DNAH17: variants seen among roughly 807,000 people sequenced by gnomAD.
DNAH17 encodes dynein axonemal heavy chain 17, also known as axonemal beta dynein heavy chain 17.
In DNAH17, 376 loss-of-function variants were observed where a neutral mutation model predicts 485.6. The observed-to-expected ratio is 0.77, with a 90% confidence interval of 0.71 to 0.84. The LOEUF (loss-of-function observed/expected upper bound fraction) is 0.84. Among genes scored for constraint, DNAH17 ranks in the 40% least tolerant of loss-of-function variants. DNAH17 has a pLI of 0.00. For missense variants in DNAH17, 6,370 were observed against 5,839.3 expected, an observed-to-expected ratio of 1.09 and a Z score of -2.96; for synonymous variants, 3,031 against 2,405.9, an observed-to-expected ratio of 1.26 and a Z score of -7.60.
intron 27 of DNAH17, among the ~76,000 whole-genome samples, 156 bp from the exon 28 acceptor site, chr17:78,507,961 G>T (rs943371147): frequency 4.6e-5 from 7 of 152,098 alleles, no homozygotes; most frequent in African/African-American, 1.7e-4. Flanking sequence ...GATCCAACCC[G>T]AACCTTCATC....
chr17:78,530,573 C>T, intron 20 of DNAH17, 61 bp from the exon 21 acceptor site: 1 of 1,548,930 alleles, frequency 6.5e-7, no homozygotes, highest in Admixed American at 1.8e-5. Flanking sequence ...GGCGTCAGCA[C>T]AGGGCCTCAG....
At chr17:78,426,721 C>T (rs771357154) in intron 78 of DNAH17, 121 bp from the exon 79 acceptor site, 2 of 1,409,300 alleles carry the variant, frequency 1.4e-6, no homozygotes, top group African/African-American at 1.4e-5. Flanking sequence ...TGGAGACGCC[C>T]TGCATCAGGG....
At chr17:78,572,482 GGCTGCAGAGCCT>G (rs1025977388) in intron 3 of DNAH17, among the ~76,000 whole-genome samples, 1 of 152,074 alleles carries the variant, frequency 6.6e-6, no homozygotes, top group African/African-American at 2.4e-5. Context: ...GAGCCCCAGG[GGCTGCAGAGCCT>G]GCTCCCTCCC....
At chr17:78,455,508 A>C in intron 63 of DNAH17, 136 bp downstream of exon 63, 1 of 615,886 alleles carries the variant, frequency 1.6e-6, no homozygotes, top group Non-Finnish European at 2.6e-6. Context: ...TTTAAATTTA[A>C]TAGAGATGGG....
chr17:78,573,776 C>T (rs983836491), intron 2 of DNAH17, among the ~76,000 whole-genome samples: 12 of 151,566 alleles, frequency 7.9e-5, no homozygotes, highest in South Asian at 2.1e-4. Flanking sequence ...AAACCAACCC[C>T]GCCGACACCT....
At chr17:78,490,331 T>G (rs980635686) in intron 44 of DNAH17, among the ~76,000 whole-genome samples, 3 of 152,224 alleles carry the variant, frequency 2.0e-5, no homozygotes, top group African/African-American at 7.2e-5. Context: ...GGTTCTTGTC[T>G]GGTGTGCTTC....
At chr17:78,548,874 C>A (rs558864059) in intron 16 of DNAH17, among the ~76,000 whole-genome samples, 2 of 152,238 alleles carry the variant, frequency 1.3e-5, no homozygotes, top group Non-Finnish European at 2.9e-5. Flanking sequence ...GTGTTCTCCC[C>A]GGCTCTGCTT....
Position 78,480,667 on chromosome 17 carries a change from G to A in DNAH17, c.7752+17C>T. 3 of 1,606,570 alleles carry A rather than the reference G, an allele frequency of 1.9e-6. No individual in the cohort carries two copies. Among genetic ancestry groups the A allele is most frequent in the African/African-American group, 1.3e-5 (1 of 74,794 alleles). On this transcript the variant is annotated intron_variant, in intron 49 of 80. Coordinates refer to ENST00000389840, the MANE Select transcript of DNAH17 (RefSeq NM_173628.4). ...GACTCATGGCAGGTGACGGGGATGAGTATGGTTTCTGCTTACCTGAAGCCT... is the reference window on the plus strand; with the variant it reads ...GACTCATGGCAGGTGACGGGGATGAATATGGTTTCTGCTTACCTGAAGCCT...
At chr17:78,494,473 CTT>C (rs2089991722) in intron 40 of DNAH17, 118 bp downstream of exon 40, 5 of 1,206,872 alleles carry the variant, frequency 4.1e-6, no homozygotes, top group Non-Finnish European at 5.9e-6. Context: ...TCAGAGGTCT[CTT>C]TGTAGCATCG....
At chr17:78,547,181 A>C (rs1250368711) in intron 16 of DNAH17, among the ~76,000 whole-genome samples, 1 of 152,182 alleles carries the variant, frequency 6.6e-6, no homozygotes, top group Non-Finnish European at 1.5e-5. Flanking sequence ...TTAAATGTTA[A>C]TGCTCTCCTT....
intron 2 of DNAH17, among the ~76,000 whole-genome samples, chr17:78,574,212 G>C (rs1009410923): frequency 2.6e-5 from 4 of 152,138 alleles, no homozygotes; most frequent in Non-Finnish European, 5.9e-5. Flanking sequence ...GTCTGTGGCC[G>C]GGCATGATGG....
chr17:78,494,715 C>G lies in DNAH17; in HGVS notation c.6148G>C (p.Ala2050Pro). Residue 2050 changes from alanine (A) to proline (P), a missense_variant, in exon 40 of 81, where the codon GCG (alanine) becomes CCG (proline). Physicochemically the swap from Ala to Pro is conservative, Grantham distance 27 (BLOSUM62 -1). Transcript: ENST00000389840. ...TTGGGGATGTTGAAGTCTCTCAGCG[C>G]CCGCATGAGCACCTGGTCCTCTGCC... is the stretch of plus-strand genomic sequence containing the variant. ...SRAEDQVLMR[A>P]LRDFNIPKIV... is the part of the protein sequence containing the mutation. 6.2e-7 allele frequency: 1 copy of G among 1,613,884 alleles called. No individual in the cohort carries two copies.
intron 19 of DNAH17, among the ~76,000 whole-genome samples, chr17:78,534,915 G>A (rs1316076620): frequency 6.6e-6 from 1 of 152,156 alleles, no homozygotes; most frequent in East Asian, 1.9e-4. Flanking sequence ...GGTACTCTCT[G>A]CCACCAAGCT....
chr17:78,470,091 T>C (rs2088677804), intron 54 of DNAH17, among the ~76,000 whole-genome samples: 2 of 148,332 alleles, frequency 1.3e-5, no homozygotes, highest in Non-Finnish European at 3.0e-5. Flanking sequence ...TTTTTTTTTT[T>C]GAGACAGTCT....
rs550965129 is a variant in DNAH17, at chr17:78,569,551, T to C, written c.1045-24A>G. 21 of 1,592,026 alleles carry C rather than the reference T, an allele frequency of 1.3e-5. No individual in the cohort carries two copies. The African/African-American group carries it at 2.7e-4, about 20-fold the overall frequency. On this transcript the variant is annotated intron_variant, in intron 7 of 80. Coordinates refer to ENST00000389840, the MANE Select transcript of DNAH17 (RefSeq NM_173628.4). The stretch of plus-strand genomic sequence containing the variant: ...GTCTGGGCAAAAGAGAAGACAGACA[T>C]CTAAAGCTCCGACAAGCCATTTGGG...
intron 48 of DNAH17, among the ~76,000 whole-genome samples, chr17:78,483,936 A>C (rs2089464399): frequency 6.6e-6 from 1 of 151,820 alleles, no homozygotes; most frequent in Admixed American, 6.6e-5. Flanking sequence ...TTCTCTACTA[A>C]AAGTACAAAA....
chr17:78,468,848 C>T lies in DNAH17; in HGVS notation c.8547G>A (p.Val2849=). 6.2e-7 allele frequency: 1 copy of T among 1,613,970 alleles called. No homozygotes were observed. Among genetic ancestry groups the T allele is most frequent in the South Asian group, 1.1e-5 (1 of 91,074 alleles). The change falls in exon 55 of 81, where the codon GTG becomes GTA. Residue 2849 remains valine (V), a synonymous_variant. Transcript: ENST00000389840. ...DLAAQYIKAA[V]KNVPSVFLMT... ...TCAGGAACACCGAGGGAACGTTCTT[C>T]ACGGCAGCCTTTATGTACTGAGCAG...
At chr17:78,439,338 CAT>C (rs1480409948) in intron 72 of DNAH17, 121 bp from the exon 73 acceptor site, 4 of 1,205,498 alleles carry the variant, frequency 3.3e-6, no homozygotes, top group Admixed American at 2.7e-5. Flanking sequence ...GTGAAATACA[CAT>C]GACATAAAAC....
chr17:78,543,818 C>T (rs750600532), intron 17 of DNAH17, 39 bp downstream of exon 17: 3 of 1,613,702 alleles, frequency 1.9e-6, no homozygotes, highest in Non-Finnish European at 2.5e-6. Context: ...CTGCTAAAAG[C>T]AAGTGGGTTC....
Sources: gnomAD v4.1 joint callset for allele counts (sites outside exome capture counted in the v4.1 genomes callset) on GRCh38, gnomAD v4.1.1 for gene constraint, MANE v1.5 for transcripts, NCBI Gene and HGNC (gene_info 2026-07-23, HGNC 2026-07-21) for gene names.